The following ZNF732 variants were observed in gnomAD, a reference collection of about 807,000 sequenced individuals.
ZNF732 encodes zinc finger protein LOC654254.
In ZNF732, 12 loss-of-function variants were observed where a neutral mutation model predicts 11.5. That is an observed-to-expected ratio of 1.05 (90% CI 0.67 to 1.70). The LOEUF (loss-of-function observed/expected upper bound fraction) is 1.70. Ranked by LOEUF, ZNF732 falls within the 40% of genes most tolerant of loss-of-function variation. The pLI is 0.00. For synonymous variants in ZNF732, 231 were observed against 236.5 expected, an observed-to-expected ratio of 0.98 and a Z score of 0.21; for missense variants, 702 against 676.9, an observed-to-expected ratio of 1.04 and a Z score of -0.41.
intron 3 of ZNF732, among the ~76,000 whole-genome samples, chr4:282,384 G>A (rs1362195867): frequency 6.6e-6 from 1 of 152,088 alleles, no homozygotes; most frequent in Non-Finnish European, 1.5e-5. Flanking sequence ...AAAGATTTCA[G>A]AAAGCTATTT....
intron 1 of ZNF732, among the ~76,000 whole-genome samples, chr4:299,306 T>G (rs1451920341): frequency 6.7e-6 from 1 of 149,204 alleles, no homozygotes; most frequent in Non-Finnish European, 1.5e-5. Context: ...AATATAAAGG[T>G]GCCCTGAATA....
chr4:271,147 G>C lies in ZNF732; in HGVS notation c.1710C>G (p.Ser570=). ...CKGCGKAFKW[S]SYLNQHNKIY... ...TTTTATTATGTTGATTAAGGTATGA[G>C]GACCACTTAAAGGCTTTGCCACATC... Residue 570 remains serine (S), a synonymous_variant, in exon 4 of 4, where the codon TCC becomes TCG. Transcript: ENST00000419098. 1 of 1,543,418 alleles carries C rather than the reference G, an allele frequency of 6.5e-7. No individual in the cohort carries two copies. The highest frequency in any genetic ancestry group is 8.7e-7 in the Non-Finnish European group (1 of 1,144,582).
chr4:277,675 A>G (rs1436409208), intron 3 of ZNF732, among the ~76,000 whole-genome samples: 1 of 151,894 alleles, frequency 6.6e-6, no homozygotes, highest in South Asian at 2.1e-4. Context: ...GCCATTATAG[A>G]AAAAAAACAA....
chr4:275,891 AGAGT>A (rs1719484488), intron 3 of ZNF732, among the ~76,000 whole-genome samples: 1 of 151,786 alleles, frequency 6.6e-6, no homozygotes, highest in Non-Finnish European at 1.5e-5. Flanking sequence ...TTGTTTGTGT[AGAGT>A]GAGAAAACAG....
intron 3 of ZNF732, among the ~76,000 whole-genome samples, chr4:287,460 C>A (rs1296157724): frequency 2.6e-5 from 4 of 152,014 alleles, no homozygotes; most frequent in African/African-American, 9.6e-5. Context: ...GGTGATCCAC[C>A]CGCCTCGGCC....
At chr4:273,251 C>T (rs1469927492) in intron 3 of ZNF732, among the ~76,000 whole-genome samples, 1 of 152,022 alleles carries the variant, frequency 6.6e-6, no homozygotes, top group Non-Finnish European at 1.5e-5. Flanking sequence ...AGACAAGACA[C>T]ATCCTTCCAA....
At chr4:273,661 C>T (rs932938566) in intron 3 of ZNF732, among the ~76,000 whole-genome samples, 1 of 151,692 alleles carries the variant, frequency 6.6e-6, no homozygotes, top group Non-Finnish European at 1.5e-5. Context: ...AGAAGCTCAA[C>T]AAACTTCAAC....
At chr4:295,153 T>C (rs1402516603) in intron 3 of ZNF732, among the ~76,000 whole-genome samples, 1 of 152,094 alleles carries the variant, frequency 6.6e-6, no homozygotes, top group Non-Finnish European at 1.5e-5. Flanking sequence ...TGTCTCCAAA[T>C]GCAATGGAAC....
intron 3 of ZNF732, among the ~76,000 whole-genome samples, chr4:276,762 T>C (rs557806223): frequency 6.6e-6 from 1 of 151,796 alleles, no homozygotes; most frequent in East Asian, 1.9e-4. Flanking sequence ...CAATCTCTTA[T>C]CAAAATACCA....
At chr4:286,152 G>GTTAATATAA (rs1553840579) in intron 3 of ZNF732, among the ~76,000 whole-genome samples, 4 of 152,158 alleles carry the variant, frequency 2.6e-5, no homozygotes, top group African/African-American at 9.7e-5. Context: ...AATATAACAA[G>GTTAATATAA]CAATCCTGAA....
rs533567142 is a variant in ZNF732, at chr4:293,312, A to G, written c.226+2126T>C. 1.6e-3 allele frequency among the ~76,000 whole-genome samples: 213 copies of G among 133,186 alleles called. 1 individual carries two copies. The highest frequency in any genetic ancestry group is 2.4e-3 in the Non-Finnish European group (150 of 62,772). 87.4% of individuals were successfully genotyped at this position (133,186 alleles called of 152,430 possible). The stretch of plus-strand genomic sequence containing the variant: ...TATATATATATATGTGTGTGTGTGT[A>G]TATATATATACACACACACACAGTA... On this transcript the variant is annotated intron_variant, in intron 3 of 3. Coordinates refer to ENST00000419098, the MANE Select transcript of ZNF732 (RefSeq NM_001137608.3).
At chr4:276,867 CA>C (rs201827534) in intron 3 of ZNF732, among the ~76,000 whole-genome samples, 2 of 145,192 alleles carry the variant, frequency 1.4e-5, no homozygotes, top group Admixed American at 6.9e-5. Flanking sequence ...AAGGGGGGGA[CA>C]AAAAAAAACA....
chr4:299,437 A>ATATATATATATACACATATGTG (rs1560165207), intron 1 of ZNF732, among the ~76,000 whole-genome samples: 3,917 of 11,864 alleles, frequency 0.33, 371 homozygotes, highest in Middle Eastern at 0.5. Context: ...ACATATGTGT[A>ATATATATATATACACATATGTG]TATATATATA....
intron 3 of ZNF732, among the ~76,000 whole-genome samples, chr4:292,719 T>C (rs901150583): frequency 2.6e-5 from 4 of 151,038 alleles, no homozygotes; most frequent in Non-Finnish European, 4.4e-5. Flanking sequence ...CTATATGCTG[T>C]TGGTGAGATG....
At chr4:282,513 C>T (rs1342366050) in intron 3 of ZNF732, among the ~76,000 whole-genome samples, 1 of 152,106 alleles carries the variant, frequency 6.6e-6, no homozygotes, top group Admixed American at 6.6e-5. Flanking sequence ...GCCTGAGCAA[C>T]ATGGCAAAAC....
chr4:282,025 G>C (rs1484680793), intron 3 of ZNF732, among the ~76,000 whole-genome samples: 1 of 152,190 alleles, frequency 6.6e-6, no homozygotes, highest in Non-Finnish European at 1.5e-5. Context: ...AAGGCGATAT[G>C]CTGGAGCTGA....
rs1720211486 is a variant in ZNF732 at position 305,373 on chromosome 4, G to A, written c.-63C>T. On this transcript the variant is annotated 5_prime_UTR_variant, in exon 1 of 4. Transcript: ENST00000419098. ...AATCATCCAATACCCGCAGGTCACA[G>A]AGCGACGGAGGCTGAGGCTGTGACC... The A allele has an allele frequency of 3.1e-6, 5 of 1,602,936 alleles. No homozygotes were observed. In the African/African-American group the frequency reaches 5.3e-5, roughly 17 times the overall value.
At chr4:280,583 G>A (rs1319553811) in intron 3 of ZNF732, among the ~76,000 whole-genome samples, 2 of 151,828 alleles carry the variant, frequency 1.3e-5, no homozygotes, top group Admixed American at 1.3e-4. Flanking sequence ...AAAAAATTCT[G>A]CCAAAAAAAA....
At position 272,323 on chromosome 4, in the gene ZNF732, C is replaced by G. The variant is rs374966989; in HGVS notation, c.534G>C (p.Lys178Asn). ...CTTGATGTTGAGTTAGGTCTGAGAA[C>G]TTCTGAAATGACTTGCCACATTCTT... ...HFKECGKSFQ[K>N]FSDLTQHQGI... The change falls in exon 4 of 4, where the codon AAG becomes AAC. Residue 178 changes from lysine (K) to asparagine (N), a missense_variant. Coordinates refer to ENST00000419098, the MANE Select transcript of ZNF732 (RefSeq NM_001137608.3). 569 of 1,611,954 alleles carry G rather than the reference C, an allele frequency of 3.5e-4. No individual in the cohort carries two copies. Among genetic ancestry groups the G allele is most frequent in the Non-Finnish European group, 4.7e-4 (555 of 1,178,808 alleles).
Sources: gnomAD v4.1 joint callset for allele counts (sites outside exome capture counted in the v4.1 genomes callset) on GRCh38, gnomAD v4.1.1 for gene constraint, MANE v1.5 for transcripts, NCBI Gene and HGNC (gene_info 2026-07-23, HGNC 2026-07-21) for gene names.